ATP9B: variants seen among roughly 807,000 people sequenced by gnomAD.
The protein encoded by ATP9B is ATPase phospholipid transporting 9B, also known as probable phospholipid-transporting ATPase IIB.
Under a neutral mutation model 146.1 loss-of-function variants are expected in ATP9B, and 110 were observed. That is an observed-to-expected ratio of 0.75 (90% confidence interval 0.65 to 0.88). The LOEUF is 0.88. Ranked by LOEUF, ATP9B falls within the 40% of genes least tolerant of loss-of-function variation. The pLI is 0.00. For missense variants in ATP9B, 1,499 were observed against 1,496.4 expected (o/e 1.00, Z -0.03); for synonymous variants, 604 against 569.7 (o/e 1.06, Z -0.86).
chr18:79,221,770 A>G (rs900808630), intron 11 of ATP9B, among the ~76,000 whole-genome samples: 2 of 150,988 alleles, frequency 1.3e-5, no homozygotes, highest in African/African-American at 2.4e-5. Flanking sequence ...AAGTTGATGT[A>G]TGTTAGGTAT....
chr18:79,347,173 T>A (rs1024354201), intron 23 of ATP9B, among the ~76,000 whole-genome samples: 1 of 152,196 alleles, frequency 6.6e-6, no homozygotes, highest in African/African-American at 2.4e-5. Context: ...CGTGCCAGCT[T>A]TATCTGTGTT....
At chr18:79,257,225 A>G (rs998383726) in intron 12 of ATP9B, among the ~76,000 whole-genome samples, 10 of 152,190 alleles carry the variant, frequency 6.6e-5, no homozygotes, top group African/African-American at 2.2e-4. Context: ...ACTTGAACCC[A>G]GGAGGCAGAG....
chr18:79,244,363 C>G (rs896198678), intron 11 of ATP9B, among the ~76,000 whole-genome samples: 1 of 152,196 alleles, frequency 6.6e-6, no homozygotes, highest in Non-Finnish European at 1.5e-5. Flanking sequence ...TATGGCCCAA[C>G]ATTTCCAAGG....
chr18:79,100,320 A>G (rs1376359000), intron 2 of ATP9B, among the ~76,000 whole-genome samples: 1 of 152,146 alleles, frequency 6.6e-6, no homozygotes, highest in Non-Finnish European at 1.5e-5. Context: ...GTTGCTGTTC[A>G]TGGTTTGCTT....
chr18:79,214,117 C>CTG, intron 11 of ATP9B, 79 bp downstream of exon 11: 3 of 980,806 alleles, frequency 3.1e-6, no homozygotes, highest in South Asian at 4.4e-5. Context: ...TTCTGAATAG[C>CTG]TCATTCTTTT....
chr18:79,109,785 T>C (rs916587917), intron 2 of ATP9B, among the ~76,000 whole-genome samples: 2 of 152,068 alleles, frequency 1.3e-5, no homozygotes, highest in Non-Finnish European at 2.9e-5. Context: ...AGGCTGGTCT[T>C]GAACTCCTAA....
chr18:79,216,969 A>G lies in ATP9B; in HGVS notation c.1107+2931A>G, dbSNP rs73971528. Reference sequence around the variant, plus strand: ...AGCGGTTCTAGCTCCAGCTTGGAGAACATTGACCACATGGTAGGCACTTGT... The same window carrying G: ...AGCGGTTCTAGCTCCAGCTTGGAGAGCATTGACCACATGGTAGGCACTTGT... On this transcript the variant is annotated intron_variant, in intron 11 of 29. Transcript: ENST00000426216. 7.2e-3 allele frequency among the ~76,000 whole-genome samples: 1,103 copies of G among 152,288 alleles called. 14 individuals are homozygous for G. Among genetic ancestry groups the G allele is most frequent in the African/African-American group, 0.017 (721 of 41,554 alleles).
intron 5 of ATP9B, among the ~76,000 whole-genome samples, chr18:79,127,229 A>AT (rs2094302108): frequency 2.0e-5 from 3 of 152,220 alleles, no homozygotes; most frequent in Admixed American, 2.0e-4. Context: ...CATGTAAAGT[A>AT]TACAATTCAG....
At chr18:79,290,096 G>A (rs9635875) in intron 13 of ATP9B, among the ~76,000 whole-genome samples, 30,338 of 151,980 alleles carry the variant, frequency 0.2, 3,751 homozygotes, top group East Asian at 0.48. Context: ...CAGTCTGCCC[G>A]TTCTCAGATC....
chr18:79,327,968 T>G (rs779859863), intron 15 of ATP9B, among the ~76,000 whole-genome samples: 5 of 125,326 alleles, frequency 4.0e-5, no homozygotes, highest in Admixed American at 1.6e-4. Flanking sequence ...CTCTCCGTGG[T>G]TAGCGTGCTC....
chr18:79,352,969 A>G (rs2096930462), intron 25 of ATP9B: 1 of 152,278 alleles, frequency 6.6e-6, no homozygotes, highest in South Asian at 2.1e-4. Flanking sequence ...TGTTTTTAAG[A>G]TGAAAGATTT....
intron 4 of ATP9B, among the ~76,000 whole-genome samples, chr18:79,124,850 A>G (rs2094254979): frequency 1.3e-5 from 2 of 152,208 alleles, no homozygotes; most frequent in African/African-American, 4.8e-5. Context: ...GGAAGGAGCC[A>G]TAGTATTGCT....
chr18:79,370,791 C>T (rs1600470363), intron 26 of ATP9B, among the ~76,000 whole-genome samples: 2 of 152,190 alleles, frequency 1.3e-5, no homozygotes, highest in African/African-American at 2.4e-5. Context: ...GACACCACTT[C>T]GTCTTCCACA....
intron 13 of ATP9B, among the ~76,000 whole-genome samples, chr18:79,280,355 A>G (rs1014299832): frequency 2.6e-5 from 4 of 152,232 alleles, no homozygotes; most frequent in Non-Finnish European, 5.9e-5. Context: ...ATGTAGACCA[A>G]TATGAATCAG....
chr18:79,371,334 T>C (rs1447229145), intron 26 of ATP9B, among the ~76,000 whole-genome samples: 1 of 138,602 alleles, frequency 7.2e-6, no homozygotes, highest in Non-Finnish European at 1.5e-5. Flanking sequence ...ATCGTGCCAT[T>C]GCACTCCAGC....
chr18:79,126,716 T>C (rs1203646725), intron 5 of ATP9B, among the ~76,000 whole-genome samples: 2 of 152,204 alleles, frequency 1.3e-5, no homozygotes, highest in Non-Finnish European at 2.9e-5. Flanking sequence ...AAAATCTATC[T>C]TGGTATTTTA....
rs753450817 is a variant in ATP9B, at chr18:79,373,962, C to G, written c.3135C>G (p.Ile1045Met). ...CTGAGTTCGTCCACGTGGTGGCCAT[C>G]TCCTTCACCGCACTGATCCTGACCG... ...FESEFVHVVA[I>M]SFTALILTEL... Residue 1045 changes from isoleucine to methionine, a missense_variant, in exon 28 of 30, where the codon ATC becomes ATG. By Grantham distance (10) the Ile-to-Met change is conservative. Coordinates refer to ENST00000426216, the MANE Select transcript of ATP9B (RefSeq NM_198531.5). 3 of 1,614,028 alleles carry G rather than the reference C, an allele frequency of 1.9e-6. No homozygotes were observed. The highest frequency in any genetic ancestry group is 1.7e-6 in the Non-Finnish European group (2 of 1,180,038).
chr18:79,164,624 CAGG>C (rs2094937162), intron 7 of ATP9B, among the ~76,000 whole-genome samples: 1 of 152,110 alleles, frequency 6.6e-6, no homozygotes, highest in Non-Finnish European at 1.5e-5. Context: ...GAGGCTGCGG[CAGG>C]AGAATGGTGT....
intron 9 of ATP9B, among the ~76,000 whole-genome samples, chr18:79,205,822 A>G (rs1458367262): frequency 6.6e-6 from 1 of 152,210 alleles, no homozygotes; most frequent in Non-Finnish European, 1.5e-5. Context: ...ACTAGACTGT[A>G]CATATTGCTG....
Sources: gnomAD v4.1 joint callset for allele counts (sites outside exome capture counted in the v4.1 genomes callset) on GRCh38, gnomAD v4.1.1 for gene constraint, MANE v1.5 for transcripts, NCBI Gene and HGNC (gene_info 2026-07-23, HGNC 2026-07-21) for gene names.